ACTR3B: variants seen among roughly 807,000 people sequenced by gnomAD.
The protein encoded by ACTR3B is actin related protein 3B.
A neutral mutation model predicts 59.0 loss-of-function variants in ACTR3B; 8 were observed. The observed-to-expected ratio is 0.14, with a 90% CI of 0.08 to 0.24. The LOEUF is 0.24. Ranked by LOEUF, ACTR3B falls within the 10% of genes least tolerant of loss-of-function variation. The pLI, the probability that ACTR3B is intolerant of heterozygous loss-of-function variation, is 1.00. For synonymous variants in ACTR3B, 148 were observed against 197.9 expected, an observed-to-expected ratio of 0.75 and a Z score of 2.12; for missense variants, 245 against 552.3, an observed-to-expected ratio of 0.44 and a Z score of 5.58.
intron 1 of ACTR3B, among the ~76,000 whole-genome samples, chr7:152,782,162 A>G (rs1246530069): frequency 2.0e-5 from 3 of 151,880 alleles, no homozygotes; most frequent in African/African-American, 7.3e-5. Flanking sequence ...TACCGGATCA[A>G]AAATTTAATA....
At chr7:152,814,692 G>C (rs759015639) in intron 5 of ACTR3B, 47 bp downstream of exon 5, 109 of 1,487,164 alleles carry the variant, frequency 7.3e-5, no homozygotes, top group Non-Finnish European at 9.5e-5. Flanking sequence ...GAGCTGTCTA[G>C]TAGCGGAAGA....
intron 4 of ACTR3B, among the ~76,000 whole-genome samples, chr7:152,806,523 T>C (rs1274199301): frequency 1.3e-5 from 2 of 152,234 alleles, no homozygotes; most frequent in African/African-American, 4.8e-5. Flanking sequence ...ATATGGCAGC[T>C]CTCTGGTGTG....
intron 2 of ACTR3B, among the ~76,000 whole-genome samples, chr7:152,788,882 A>G (rs2098183888): frequency 6.6e-6 from 1 of 152,172 alleles, no homozygotes; most frequent in African/African-American, 2.4e-5. Flanking sequence ...AATTAGCCGG[A>G]TGTGGTGGCT....
intron 7 of ACTR3B, 48 bp from the exon 8 acceptor site, chr7:152,823,294 C>A: frequency 6.2e-7 from 1 of 1,600,776 alleles, no homozygotes. Flanking sequence ...AGGGCAGAGA[C>A]ACTGGGCAGT....
At chr7:152,820,553 A>G (rs1796065543) in intron 7 of ACTR3B, 111 bp downstream of exon 7, 1 of 1,470,476 alleles carries the variant, frequency 6.8e-7, no homozygotes, top group Non-Finnish European at 9.1e-7. Context: ...TCCCCTTCCC[A>G]TGAATGTGGG....
At chr7:152,831,455 G>A (rs1203950689) in intron 9 of ACTR3B, among the ~76,000 whole-genome samples, 2 of 152,204 alleles carry the variant, frequency 1.3e-5, no homozygotes, top group Non-Finnish European at 2.9e-5. Context: ...GTGCTCGGTG[G>A]TGATGGCAGT....
chr7:152,789,867 C>T (rs192066896), intron 2 of ACTR3B, among the ~76,000 whole-genome samples: 2 of 151,526 alleles, frequency 1.3e-5, no homozygotes, highest in African/African-American at 4.9e-5. Flanking sequence ...AAACAGTGCT[C>T]TTCTATTCCT....
chr7:152,817,853 G>A (rs151177870), intron 6 of ACTR3B, among the ~76,000 whole-genome samples: 2,177 of 133,758 alleles, frequency 0.016, no homozygotes, highest in African/African-American at 0.041. Context: ...TAATACCAAT[G>A]CCTTTAATTC....
chr7:152,794,687 C>T (rs2098209621), intron 2 of ACTR3B, among the ~76,000 whole-genome samples: 1 of 152,102 alleles, frequency 6.6e-6, no homozygotes, highest in Non-Finnish European at 1.5e-5. Context: ...AGTCAGTGTG[C>T]CATTGAATGG....
intron 2 of ACTR3B, among the ~76,000 whole-genome samples, chr7:152,787,352 T>A (rs4725474): frequency 4.6e-5 from 7 of 151,912 alleles, no homozygotes; most frequent in Non-Finnish European, 7.4e-5. Context: ...TTATAGGAAC[T>A]CTTTGTAGAG....
At chr7:152,826,465 AC>A (rs1796582591) in intron 9 of ACTR3B, among the ~76,000 whole-genome samples, 1 of 152,104 alleles carries the variant, frequency 6.6e-6, no homozygotes, top group South Asian at 2.1e-4. Context: ...GAGGGTGTAA[AC>A]AAATTACAGT....
intron 9 of ACTR3B, among the ~76,000 whole-genome samples, chr7:152,833,626 T>C (rs1462677237): frequency 2.0e-5 from 3 of 152,208 alleles, no homozygotes; most frequent in Non-Finnish European, 4.4e-5. Flanking sequence ...GAGCGCCTCT[T>C]AGTATTACAG....
intron 4 of ACTR3B, among the ~76,000 whole-genome samples, chr7:152,804,105 A>T (rs2098244926): frequency 6.6e-6 from 1 of 152,064 alleles, no homozygotes; most frequent in African/African-American, 2.4e-5. Flanking sequence ...ATGCAGAGAG[A>T]ATGAGCTCCT....
intron 1 of ACTR3B, among the ~76,000 whole-genome samples, chr7:152,778,297 T>A (rs2098141396): frequency 6.6e-6 from 1 of 151,662 alleles, no homozygotes; most frequent in South Asian, 2.1e-4. Flanking sequence ...AGAGTCTCAC[T>A]CTGTTGCCCA....
At chr7:152,765,114 T>C (rs1192664479) in intron 1 of ACTR3B, among the ~76,000 whole-genome samples, 1 of 103,802 alleles carries the variant, frequency 9.6e-6, no homozygotes, top group African/African-American at 3.8e-5. Context: ...TGGCCCTTTT[T>C]TTTTTTTTTT....
chr7:152,817,123 G>A (rs1444555903), intron 6 of ACTR3B, among the ~76,000 whole-genome samples: 17 of 151,864 alleles, frequency 1.1e-4, no homozygotes, highest in Admixed American at 7.9e-4. Flanking sequence ...GGTGGCTCAC[G>A]CCTGTAATCC....
chr7:152,781,226 A>G (rs1338313167), intron 1 of ACTR3B, among the ~76,000 whole-genome samples: 2 of 104,284 alleles, frequency 1.9e-5, no homozygotes, highest in African/African-American at 3.6e-5. Flanking sequence ...TCTGAAACCC[A>G]TTACACATAG....
At chr7:152,829,057 T>TATACACAC (rs1390377342) in intron 9 of ACTR3B, among the ~76,000 whole-genome samples, 4 of 144,776 alleles carry the variant, frequency 2.8e-5, no homozygotes, top group African/African-American at 1.1e-4. Context: ...TATATATATA[T>TATACACAC]ACACACACAC....
intron 1 of ACTR3B, among the ~76,000 whole-genome samples, chr7:152,765,134 G>A (rs996745620): frequency 1.8e-5 from 1 of 55,762 alleles, no homozygotes; most frequent in African/African-American, 6.7e-5. Context: ...TTTTTTTTCC[G>A]GAGACAGAGT....
Sources: allele counts gnomAD v4.1 joint callset (sites outside exome capture counted in the v4.1 genomes callset), GRCh38; gene constraint gnomAD v4.1.1; transcripts MANE v1.5; gene names NCBI Gene and HGNC (gene_info 2026-07-23, HGNC 2026-07-21).